HPSE2: variants seen among roughly 807,000 people sequenced by gnomAD.
HPSE2 encodes the protein inactive heparanase-2.
Under a neutral mutation model 60.5 loss-of-function variants are expected in HPSE2, and 38 were observed. The ratio of observed to expected loss-of-function variants is 0.63; its 90% CI spans 0.48 to 0.82. HPSE2 has a LOEUF of 0.82. Ranked by LOEUF, HPSE2 falls within the 40% of genes least tolerant of loss-of-function variation. The pLI is 0.00. For missense variants in HPSE2, 713 were observed against 740.4 expected (o/e 0.96, Z 0.43); for synonymous variants, 295 against 293.2 (o/e 1.01, Z -0.06).
chr10:98,977,671 T>C lies in HPSE2; in HGVS notation c.610+166567A>G, dbSNP rs148610557. Among the ~76,000 whole-genome samples the C allele has an allele frequency of 3.5e-4, 54 of 152,214 alleles. 1 individual carries two copies. In the East Asian group the frequency reaches 8.3e-3, roughly 23 times the overall value. On this transcript the variant is annotated intron_variant, in intron 3 of 11. Coordinates refer to ENST00000370552, the MANE Select transcript of HPSE2 (RefSeq NM_021828.5). ...AATAACAGGGGTGATATAAACACTG[T>C]CTTCCATAGTGTCTTCCATTATATT...
the HPSE2 span, among the ~76,000 whole-genome samples, chr10:99,294,851 G>A: frequency 6.6e-6 from 1 of 152,120 alleles, no homozygotes; most frequent in South Asian, 2.1e-4. Context: ...AGCTACTCAG[G>A]AGGCTGAGGC....
intron 3 of HPSE2, among the ~76,000 whole-genome samples, chr10:98,747,918 G>A (rs1014988210): frequency 3.3e-5 from 5 of 152,202 alleles, no homozygotes; most frequent in South Asian, 2.1e-4. Context: ...ATATCATGCC[G>A]AAGAGTTCTC....
intron 9 of HPSE2, among the ~76,000 whole-genome samples, chr10:98,521,364 C>T (rs1942787484): frequency 6.6e-6 from 1 of 152,126 alleles, no homozygotes; most frequent in Admixed American, 6.6e-5. Flanking sequence ...ATTTATGCAG[C>T]CAACAGACAC....
chr10:98,651,670 T>C (rs939209591), intron 6 of HPSE2, among the ~76,000 whole-genome samples: 4 of 152,102 alleles, frequency 2.6e-5, no homozygotes, highest in African/African-American at 9.7e-5. Flanking sequence ...TTCTCTGTGA[T>C]TGAGGAAAGA....
At chr10:99,077,794 C>T (rs1230360705) in intron 3 of HPSE2, among the ~76,000 whole-genome samples, 1 of 151,928 alleles carries the variant, frequency 6.6e-6, no homozygotes, top group Non-Finnish European at 1.5e-5. Context: ...ATACATTGTT[C>T]TCCTGATTTC....
chr10:98,992,838 G>C (rs925744516), intron 3 of HPSE2, among the ~76,000 whole-genome samples: 5 of 152,186 alleles, frequency 3.3e-5, no homozygotes, highest in African/African-American at 1.2e-4. Context: ...TTTGAAGTTA[G>C]ACAGCACTGG....
At chr10:98,818,793 A>T (rs1011316110) in intron 3 of HPSE2, among the ~76,000 whole-genome samples, 1 of 152,194 alleles carries the variant, frequency 6.6e-6, no homozygotes, top group Non-Finnish European at 1.5e-5. Context: ...CACCAAATCT[A>T]TCCAAGTGGC....
chr10:98,698,938 C>G (rs111646816), intron 5 of HPSE2, among the ~76,000 whole-genome samples: 1 of 152,186 alleles, frequency 6.6e-6, no homozygotes, highest in Admixed American at 6.5e-5. Context: ...AAGACTAAAC[C>G]AGGAAGAAGT....
At chr10:98,772,776 T>C (rs1312848031) in intron 3 of HPSE2, among the ~76,000 whole-genome samples, 1 of 152,180 alleles carries the variant, frequency 6.6e-6, no homozygotes, top group East Asian at 1.9e-4. Flanking sequence ...TCCTTGGACA[T>C]GACTACAAAA....
chr10:99,164,943 C>T (rs1847012468), intron 2 of HPSE2, among the ~76,000 whole-genome samples: 1 of 152,002 alleles, frequency 6.6e-6, no homozygotes, highest in South Asian at 2.1e-4. Context: ...ATTAGCTGGG[C>T]ATGGTGGCGC....
chr10:98,777,318 G>T (rs1285825804), intron 3 of HPSE2, among the ~76,000 whole-genome samples: 2 of 152,148 alleles, frequency 1.3e-5, no homozygotes, highest in African/African-American at 4.8e-5. Flanking sequence ...TAGATAGGTA[G>T]TTCAACAGAC....
chr10:98,880,705 G>A (rs928843502), intron 3 of HPSE2, among the ~76,000 whole-genome samples: 4 of 152,032 alleles, frequency 2.6e-5, no homozygotes, highest in African/African-American at 9.7e-5. Flanking sequence ...CAGAACCCAA[G>A]TAACAAGTGT....
At chr10:98,664,569 G>A (rs190039275) in intron 6 of HPSE2, among the ~76,000 whole-genome samples, 24 of 152,278 alleles carry the variant, frequency 1.6e-4, no homozygotes, top group Admixed American at 1.3e-4. Context: ...CTATCACAGA[G>A]CACTATCGAC....
chr10:99,089,115 C>T (rs572383432), intron 3 of HPSE2, among the ~76,000 whole-genome samples: 3 of 152,248 alleles, frequency 2.0e-5, no homozygotes, highest in African/African-American at 7.2e-5. Flanking sequence ...AAGATTTTCT[C>T]CCACTCTATG....
At chr10:98,815,453 G>A (rs1260141530) in intron 3 of HPSE2, among the ~76,000 whole-genome samples, 2 of 152,184 alleles carry the variant, frequency 1.3e-5, no homozygotes, top group Non-Finnish European at 2.9e-5. Context: ...TAAGGAGAAA[G>A]CAGCAGCTAA....
chr10:98,806,145 G>A (rs149979800), intron 3 of HPSE2, among the ~76,000 whole-genome samples: 1 of 152,202 alleles, frequency 6.6e-6, no homozygotes, highest in African/African-American at 2.4e-5. Context: ...GTGACCTGGC[G>A]CATACATCAG....
At chr10:98,995,140 G>A (rs1956615262) in intron 3 of HPSE2, among the ~76,000 whole-genome samples, 1 of 152,066 alleles carries the variant, frequency 6.6e-6, no homozygotes, top group Non-Finnish European at 1.5e-5. Flanking sequence ...CTCTTCTCTG[G>A]TGAATCCTAG....
At chr10:99,013,856 G>A in intron 3 of HPSE2, 1 of 331,680 alleles carries the variant, frequency 3.0e-6, no homozygotes, top group Non-Finnish European at 6.2e-6. Context: ...AACTGTTAAA[G>A]GATGGTAGTT....
intron 2 of HPSE2, among the ~76,000 whole-genome samples, chr10:99,198,894 A>G (rs888318222): frequency 6.6e-6 from 1 of 152,108 alleles, no homozygotes; most frequent in Non-Finnish European, 1.5e-5. Flanking sequence ...CTTTGTTTCT[A>G]TTAGTTTGAC....
Sources: allele counts gnomAD v4.1 joint callset (sites outside exome capture counted in the v4.1 genomes callset), GRCh38; gene constraint gnomAD v4.1.1; transcripts MANE v1.5; gene names NCBI Gene and HGNC (gene_info 2026-07-23, HGNC 2026-07-21).